BASP1: variants seen among roughly 807,000 people sequenced by gnomAD.
BASP1 encodes brain acid soluble protein 1.
BASP1 carries 1 observed loss-of-function variant against 2.2 expected under a neutral mutation model. The observed-to-expected ratio is 0.46, with a 90% confidence interval of 0.16 to 2.17. The LOEUF (loss-of-function observed/expected upper bound fraction) is 2.17. Among genes scored for constraint, BASP1 ranks in the 30% most tolerant of loss-of-function variants. The pLI, the probability that BASP1 is intolerant of heterozygous loss-of-function variation, is 0.27. For missense variants in BASP1, 352 were observed against 327.2 expected (o/e 1.08, Z -0.58); for synonymous variants, 187 against 154.2 (o/e 1.21, Z -1.58).
intron 1 of BASP1, among the ~76,000 whole-genome samples, chr5:17,241,165 T>A (rs1739855397): frequency 6.6e-6 from 1 of 151,520 alleles, no homozygotes; most frequent in South Asian, 2.1e-4. Flanking sequence ...AGTGATGTGA[T>A]CTCGCCTCAC....
At position 17,245,949 on chromosome 5, in the gene BASP1, G is replaced by T. The variant is rs560476934; in HGVS notation, c.-10+28139G>T. ...AGTAGGGCATTACTACTAATAAGTC[G>T]AATAATACCAACGCGTGGATAGAGA... is the stretch of plus-strand genomic sequence containing the variant. On this transcript the variant is annotated intron_variant, in intron 1 of 1. Coordinates refer to ENST00000322611, the MANE Select transcript of BASP1 (RefSeq NM_006317.5). 3.9e-4 allele frequency among the ~76,000 whole-genome samples: 59 copies of T among 151,754 alleles called. 2 individuals carry two copies. In the South Asian group the frequency reaches 0.012, roughly 32 times the overall value.
intron 1 of BASP1, among the ~76,000 whole-genome samples, chr5:17,233,715 C>G (rs1739681658): frequency 6.6e-6 from 1 of 151,210 alleles, no homozygotes; most frequent in Middle Eastern, 3.2e-3. Flanking sequence ...AATTAGGTGA[C>G]TGATACGCCT....
At position 17,275,785 on chromosome 5, in the gene BASP1, C is replaced by T. The variant is rs1246872010; in HGVS notation, c.569C>T (p.Thr190Met). ...TCTTCCAAGGAGACCCCCGCAGCCA[C>T]GGAAGCGCCTAGTTCCACACCCAAG... is the stretch of plus-strand genomic sequence containing the variant. ...APSSKETPAATEAPSSTPKAQ... is the reference protein window; with the variant it reads ...APSSKETPAAMEAPSSTPKAQ... Residue 190 changes from threonine to methionine, a missense_variant, in exon 2 of 2, where the codon ACG becomes ATG. Physicochemically the swap from Thr to Met is moderately conservative, Grantham distance 81. Coordinates refer to ENST00000322611, the MANE Select transcript of BASP1 (RefSeq NM_006317.5). The surrounding 1 kb of genome is among the most constrained non-coding windows in gnomAD (Gnocchi z 5.3). 4.3e-6 allele frequency: 7 copies of T among 1,613,270 alleles called. No homozygotes were observed. Among genetic ancestry groups the T allele is most frequent in the Non-Finnish European group, 5.1e-6 (6 of 1,179,790 alleles).
intron 1 of BASP1, among the ~76,000 whole-genome samples, chr5:17,258,550 T>C (rs1457379533): frequency 6.6e-6 from 1 of 152,186 alleles, no homozygotes; most frequent in African/African-American, 2.4e-5. Flanking sequence ...CCTGTTTACA[T>C]AAATTTCACT....
rs1740132434 is a variant in BASP1, at chr5:17,253,041, C to T, written c.-9-22167C>T. On this transcript the variant is annotated intron_variant, in intron 1 of 1. Coordinates refer to ENST00000322611, the MANE Select transcript of BASP1 (RefSeq NM_006317.5). ...CAGGTAGCCCAGTATACTCACCTCT[C>T]CTCTAGAAGAAAAGACGAATTCTAG... 2.0e-5 allele frequency among the ~76,000 whole-genome samples: 3 copies of T among 152,204 alleles called. No individual in the cohort carries two copies. In the South Asian group the frequency reaches 6.2e-4, roughly 31 times the overall value.
Position 17,239,667 on chromosome 5 carries a change from G to A in BASP1, c.-10+21857G>A, listed in dbSNP as rs899707312. ...TTCTAGAGCCTTGCAAAGTAAAGCTGATCCTAGTTAGGACCCAGTTAGGAA... is the reference window on the plus strand; with the variant it reads ...TTCTAGAGCCTTGCAAAGTAAAGCTAATCCTAGTTAGGACCCAGTTAGGAA... On this transcript the variant is annotated intron_variant, in intron 1 of 1. Transcript: ENST00000322611. Among the ~76,000 whole-genome samples the A allele has an allele frequency of 1.5e-4, 23 of 152,150 alleles. 1 individual carries two copies.
chr5:17,246,683 C>T (rs1739998410), intron 1 of BASP1, among the ~76,000 whole-genome samples: 1 of 152,226 alleles, frequency 6.6e-6, no homozygotes, highest in African/African-American at 2.4e-5. Flanking sequence ...TGACTAGATG[C>T]AGGCTTCTTA....
At chr5:17,239,517 C>T (rs1377841770) in intron 1 of BASP1, among the ~76,000 whole-genome samples, 1 of 152,140 alleles carries the variant, frequency 6.6e-6, no homozygotes, top group South Asian at 2.1e-4. Context: ...GTACATGGAA[C>T]AGAAGGCCAT....
chr5:17,253,980 A>G (rs1048370260), intron 1 of BASP1, among the ~76,000 whole-genome samples: 1 of 152,124 alleles, frequency 6.6e-6, no homozygotes. Flanking sequence ...GAAAAGCATT[A>G]TAAGTAGAAC....
At chr5:17,245,166 G>GT (rs1054701829) in intron 1 of BASP1, among the ~76,000 whole-genome samples, 33 of 151,520 alleles carry the variant, frequency 2.2e-4, no homozygotes, top group Non-Finnish European at 2.7e-4. Flanking sequence ...GCTGGGTGTG[G>GT]TGGTGTGCAT....
At chr5:17,246,278 G>A (rs1246691679) in intron 1 of BASP1, among the ~76,000 whole-genome samples, 1 of 151,800 alleles carries the variant, frequency 6.6e-6, no homozygotes, top group African/African-American at 2.4e-5. Context: ...TCAGGAGTTC[G>A]AGGCCTGCCT....
At chr5:17,259,232 A>T (rs567969664) in intron 1 of BASP1, among the ~76,000 whole-genome samples, 1 of 152,290 alleles carries the variant, frequency 6.6e-6, no homozygotes, top group South Asian at 2.1e-4. Context: ...TCCTGTTTTT[A>T]AAACCATCAA....
At chr5:17,258,892 C>A (rs1740262766) in intron 1 of BASP1, among the ~76,000 whole-genome samples, 1 of 152,126 alleles carries the variant, frequency 6.6e-6, no homozygotes, top group South Asian at 2.1e-4. Context: ...TGGGGTGAAG[C>A]ATTTGCTTGA....
intron 1 of BASP1, among the ~76,000 whole-genome samples, chr5:17,253,488 C>T (rs141612735): frequency 1.3e-5 from 2 of 152,326 alleles, no homozygotes; most frequent in African/African-American, 4.8e-5. Flanking sequence ...GCTGGGATTA[C>T]AGGCATGAGC....
At chr5:17,222,397 T>G (rs1193357562) in intron 1 of BASP1, among the ~76,000 whole-genome samples, 9 of 152,152 alleles carry the variant, frequency 5.9e-5, no homozygotes, top group Admixed American at 2.0e-4. Context: ...ACCACAGCAG[T>G]GCCCAGCCTG....
intron 1 of BASP1, among the ~76,000 whole-genome samples, chr5:17,271,455 G>C (rs959238144): frequency 1.3e-5 from 2 of 152,112 alleles, no homozygotes; most frequent in African/African-American, 4.8e-5. Context: ...GCTTTTTTCT[G>C]AGATGTCATA....
At chr5:17,248,921 A>G (rs2126505987) in intron 1 of BASP1, among the ~76,000 whole-genome samples, 1 of 152,244 alleles carries the variant, frequency 6.6e-6, no homozygotes, top group Non-Finnish European at 1.5e-5. Context: ...TCCTTTAAGT[A>G]TGGAGGCCCT....
At chr5:17,254,826 G>A (rs1740170002) in intron 1 of BASP1, among the ~76,000 whole-genome samples, 1 of 152,162 alleles carries the variant, frequency 6.6e-6, no homozygotes, top group Non-Finnish European at 1.5e-5. Flanking sequence ...AAAACAGAGA[G>A]AATAAATCTT....
At chr5:17,250,628 G>A (rs1048000246) in intron 1 of BASP1, among the ~76,000 whole-genome samples, 2 of 151,936 alleles carry the variant, frequency 1.3e-5, no homozygotes, top group South Asian at 4.1e-4. Flanking sequence ...TTTTTGAGAC[G>A]GAGTCTCGCT....
Sources: gnomAD v4.1 joint callset for allele counts (sites outside exome capture counted in the v4.1 genomes callset) on GRCh38, gnomAD v4.1.1 for gene constraint, Gnocchi (gnomAD v3.1) non-coding constraint, MANE v1.5 for transcripts, NCBI Gene and HGNC (gene_info 2026-07-23, HGNC 2026-07-21) for gene names.